SLC35A3: variants seen among roughly 807,000 people sequenced by gnomAD.
The protein encoded by SLC35A3 is UDP-N-acetylglucosamine transporter.
SLC35A3 carries 26 observed loss-of-function variants against 39.0 expected under a neutral mutation model. The ratio of observed to expected loss-of-function variants is 0.67; its 90% CI spans 0.49 to 0.92. SLC35A3 has a LOEUF of 0.92. Among genes scored for constraint, SLC35A3 ranks in the 40% least tolerant of loss-of-function variants. SLC35A3 has a pLI of 0.00. For synonymous variants in SLC35A3, 135 were observed against 133.1 expected (o/e 1.01, Z -0.10); for missense variants, 299 against 371.6 (o/e 0.80, Z 1.61).
intron 2 of SLC35A3, among the ~76,000 whole-genome samples, chr1:99,998,812 C>T (rs544722375): frequency 2.0e-5 from 3 of 152,170 alleles, no homozygotes; most frequent in Non-Finnish European, 4.4e-5. Context: ...CAACCAAACC[C>T]ATTCCCTAAC....
At chr1:99,970,486 T>TA (rs1197766256) in intron 1 of SLC35A3, 26 of 1,312,332 alleles carry the variant, frequency 2.0e-5, no homozygotes, top group Non-Finnish European at 2.6e-5. Context: ...CGTGCGGAGC[T>TA]AGTGACGGGT....
At chr1:100,003,029 A>G (rs1570602728) in intron 3 of SLC35A3, among the ~76,000 whole-genome samples, 1 of 152,234 alleles carries the variant, frequency 6.6e-6, no homozygotes, top group Non-Finnish European at 1.5e-5. Flanking sequence ...TTGTTGATGT[A>G]GGCATTTATT....
intron 1 of SLC35A3, among the ~76,000 whole-genome samples, chr1:99,977,856 C>T (rs1657212734): frequency 6.6e-6 from 1 of 152,124 alleles, no homozygotes; most frequent in African/African-American, 2.4e-5. Flanking sequence ...GCTTTAATAC[C>T]TAAACATTTG....
intron 3 of SLC35A3, among the ~76,000 whole-genome samples, chr1:100,005,762 A>G (rs1557837989): frequency 6.6e-6 from 1 of 151,904 alleles, no homozygotes; most frequent in Non-Finnish European, 1.5e-5. Flanking sequence ...TTTTGTTTAT[A>G]TTGTCTGCTT....
In SLC35A3 at chr1:100,024,754, A is replaced by T. The variant is rs1660805282; in HGVS notation, c.*2278A>T. On this transcript the variant is annotated 3_prime_UTR_variant, in exon 8 of 8. Transcript: ENST00000533028. The stretch of plus-strand genomic sequence containing the variant: ...CTGCCTCAGCCTCTGAGTAGCTGGG[A>T]TTGCAGGCGTGAGCCACTGCGCCCG... 5.1e-6 allele frequency: 2 copies of T among 395,412 alleles called. No individual in the cohort carries two copies. The highest frequency in any genetic ancestry group is 4.4e-5 in the Admixed American group (1 of 22,478). 24.5% of individuals were successfully genotyped at this position (395,412 alleles called of 1,614,324 possible). A position where few individuals can be genotyped will look rare whatever the true frequency, so the allele number is the denominator to read the frequency against.
intron 1 of SLC35A3, among the ~76,000 whole-genome samples, chr1:99,989,236 A>G (rs1336662747): frequency 6.6e-6 from 1 of 152,040 alleles, no homozygotes; most frequent in Admixed American, 6.6e-5. Context: ...TCCTATGCCT[A>G]TTAGTCACTC....
chr1:99,991,539 T>C (rs776462228), intron 1 of SLC35A3, among the ~76,000 whole-genome samples: 4 of 152,224 alleles, frequency 2.6e-5, no homozygotes, highest in African/African-American at 9.6e-5. Context: ...GTTTTGATGG[T>C]CTAGGTCCTT....
rs116560578 is a variant in SLC35A3 at position 100,029,130 on chromosome 1, T to G, written c.*6654T>G. ...CATGGTTGGTTGATTTTTTTGCCCA[T>G]GTAGTTGTCCTCTCTTTCCAACATC... On this transcript the variant is annotated 3_prime_UTR_variant, in exon 8 of 8. Transcript: ENST00000533028. 2 of 152,238 alleles carry G rather than the reference T, an allele frequency of 1.3e-5. No individual in the cohort carries two copies. Among genetic ancestry groups the G allele is most frequent in the African/African-American group, 4.8e-5 (2 of 41,442 alleles). 9.4% of individuals were successfully genotyped at this position (152,238 alleles called of 1,614,324 possible).
chr1:100,020,449 A>G (rs1036938233), intron 7 of SLC35A3, among the ~76,000 whole-genome samples: 2 of 152,220 alleles, frequency 1.3e-5, no homozygotes, highest in African/African-American at 2.4e-5. Flanking sequence ...AGTGTCTAGT[A>G]ATTAATAATT....
At chr1:100,020,559 G>T (rs1660461050) in intron 7 of SLC35A3, among the ~76,000 whole-genome samples, 1 of 152,174 alleles carries the variant, frequency 6.6e-6, no homozygotes, top group Admixed American at 6.5e-5. Flanking sequence ...CTTTTGAAGA[G>T]TTAACCATTT....
intron 2 of SLC35A3, among the ~76,000 whole-genome samples, chr1:99,997,882 C>T (rs1447435496): frequency 2.6e-5 from 4 of 152,146 alleles, no homozygotes; most frequent in South Asian, 2.1e-4. Flanking sequence ...ACTGGAAGGT[C>T]TTTAAAAGAT....
chr1:100,012,793 A>G (rs968931896), intron 5 of SLC35A3, among the ~76,000 whole-genome samples: 1 of 152,216 alleles, frequency 6.6e-6, no homozygotes, highest in East Asian at 1.9e-4. Flanking sequence ...TTATTGTTTC[A>G]GCCATTGGTT....
At position 100,028,555 on chromosome 1, in the gene SLC35A3, T is replaced by A. The variant is rs1661042469; in HGVS notation, c.*6079T>A. 1 of 152,402 alleles carries A rather than the reference T, an allele frequency of 6.6e-6. No individual in the cohort carries two copies. The allele number at this position is 152,402 out of a possible 1,614,324, so 9.4% of individuals were successfully genotyped here. On this transcript the variant is annotated 3_prime_UTR_variant, in exon 8 of 8. Transcript: ENST00000533028. ...GTTGCCCGGATTGGTCTCAAACTCC[T>A]GAGCTTCAGTGATCTGCCTGCCTTG...
intron 1 of SLC35A3, among the ~76,000 whole-genome samples, chr1:99,980,959 G>A (rs547161219): frequency 9.2e-5 from 14 of 152,242 alleles, no homozygotes; most frequent in Admixed American, 2.0e-4. Flanking sequence ...TCTTCTTCTT[G>A]AGTACTGTAT....
intron 7 of SLC35A3, among the ~76,000 whole-genome samples, chr1:100,018,275 G>C (rs1258939425): frequency 1.3e-5 from 2 of 152,176 alleles, no homozygotes; most frequent in Non-Finnish European, 2.9e-5. Context: ...GAAGACCCAG[G>C]ACTCTGTAGT....
chr1:99,990,311 G>A (rs1381657089), intron 1 of SLC35A3, among the ~76,000 whole-genome samples: 1 of 152,064 alleles, frequency 6.6e-6, no homozygotes, highest in African/African-American at 2.4e-5. Flanking sequence ...CACGGTGGCT[G>A]AAGCCTGTAA....
intron 1 of SLC35A3, among the ~76,000 whole-genome samples, chr1:99,971,568 A>G (rs569337068): frequency 1.3e-5 from 2 of 152,252 alleles, no homozygotes; most frequent in East Asian, 1.9e-4. Context: ...CGGCCTCTCA[A>G]AGTGCTGGGA....
chr1:100,009,115 T>C (rs1181086758), intron 4 of SLC35A3: 3 of 152,194 alleles, frequency 2.0e-5, no homozygotes, highest in Non-Finnish European at 2.9e-5. Flanking sequence ...TTGGTACTTA[T>C]CTTGTATAAT....
intron 5 of SLC35A3, 69 bp downstream of exon 5, chr1:100,011,602 T>TAGAA: frequency 1.4e-5 from 7 of 511,168 alleles, no homozygotes; most frequent in Non-Finnish European, 2.1e-5. Context: ...GATTTCTATA[T>TAGAA]ATCTTTAAAT....
Sources: gnomAD v4.1 joint callset for allele counts (sites outside exome capture counted in the v4.1 genomes callset) on GRCh38, gnomAD v4.1.1 for gene constraint, MANE v1.5 for transcripts, NCBI Gene and HGNC (gene_info 2026-07-23, HGNC 2026-07-21) for gene names.